The following CNOT6 variants were observed in gnomAD, a reference collection of about 807,000 sequenced individuals.
CNOT6 encodes carbon catabolite repression 4 protein.
In CNOT6, 12 loss-of-function variants were observed where a neutral mutation model predicts 61.2. That is an observed-to-expected ratio of 0.20 (90% CI 0.13 to 0.32). The LOEUF is 0.32. Among genes scored for constraint, CNOT6 ranks in the 10% least tolerant of loss-of-function variants. The probability of loss-of-function intolerance (pLI) is 1.00; values close to 1 mark genes in which losing one functional copy is unlikely to be tolerated. For synonymous variants in CNOT6, 225 were observed against 240.6 expected, an observed-to-expected ratio of 0.94 and a Z score of 0.60; for missense variants, 405 against 663.9, an observed-to-expected ratio of 0.61 and a Z score of 4.28.
At chr5:180,524,503 A>G (rs993975529) in intron 1 of CNOT6, among the ~76,000 whole-genome samples, 1 of 152,118 alleles carries the variant, frequency 6.6e-6, no homozygotes, top group African/African-American at 2.4e-5. Context: ...AGAAGCACTG[A>G]AGAGATCTTC....
At chr5:180,555,637 T>C (rs1759844798) in intron 4 of CNOT6, among the ~76,000 whole-genome samples, 1 of 152,194 alleles carries the variant, frequency 6.6e-6, no homozygotes, top group African/African-American at 2.4e-5. Context: ...GTCGGAACAT[T>C]GGGTGGAATG....
In CNOT6 at chr5:180,573,979, G is replaced by T. The variant is rs1393660187; in HGVS notation, c.1462-9G>T. ...TACGGTGCTTATCTTTTTTTCTGTT[G>T]TTTTTCAGGGTATAATAGACTACAT... On this transcript the variant is annotated splice_polypyrimidine_tract_variant and intron_variant, in intron 11 of 11. Coordinates refer to ENST00000261951, the MANE Select transcript of CNOT6 (RefSeq NM_001370472.1). 2 of 1,592,242 alleles carry T rather than the reference G, an allele frequency of 1.3e-6. No individual in the cohort carries two copies. The highest frequency in any genetic ancestry group is 1.7e-6 in the Non-Finnish European group (2 of 1,161,504).
At chr5:180,508,439 G>A (rs1187927959) in intron 1 of CNOT6, among the ~76,000 whole-genome samples, 3 of 152,030 alleles carry the variant, frequency 2.0e-5, no homozygotes, top group South Asian at 2.1e-4. Flanking sequence ...AGCCTCCTGG[G>A]TGGCTGGGAC....
chr5:180,539,548 G>GTTGTTTTTTTTTT (rs1561648866), intron 2 of CNOT6, among the ~76,000 whole-genome samples: 3 of 45,826 alleles, frequency 6.5e-5, no homozygotes, highest in African/African-American at 2.3e-4. Flanking sequence ...TACTTTTTCT[G>GTTGTTTTTTTTTT]TTCTTTTTTT....
intron 2 of CNOT6, among the ~76,000 whole-genome samples, chr5:180,539,283 A>AAAAC (rs1291422572): frequency 5.0e-5 from 6 of 119,448 alleles, no homozygotes; most frequent in Non-Finnish European, 1.0e-4. Context: ...TATCTCTTTA[A>AAAAC]AAACAAACAA....
intron 2 of CNOT6, among the ~76,000 whole-genome samples, chr5:180,531,447 C>T (rs1350686860): frequency 1.3e-5 from 2 of 151,738 alleles, no homozygotes; most frequent in Non-Finnish European, 2.9e-5. Flanking sequence ...CAGAGACGCT[C>T]CTCATTTCCT....
intron 1 of CNOT6, among the ~76,000 whole-genome samples, chr5:180,506,221 A>G (rs1317195960): frequency 1.3e-5 from 2 of 152,298 alleles, no homozygotes; most frequent in Middle Eastern, 3.4e-3. Context: ...TCTATAAGAT[A>G]AAGGTAGAAT....
chr5:180,550,479 T>A (rs969686613), intron 3 of CNOT6, among the ~76,000 whole-genome samples: 1 of 152,044 alleles, frequency 6.6e-6, no homozygotes, highest in Non-Finnish European at 1.5e-5. Context: ...AAACATTTGT[T>A]GTGTTAGGAA....
rs535657691 is a variant in CNOT6 at position 180,549,628 on chromosome 5, A to G, written c.113-303A>G. ...CACGCCACTGCACTCCAGCCTGGGC[A>G]ACAGAGCGAGACTCCGTTTCAAAAA... On this transcript the variant is annotated intron_variant, in intron 2 of 11. Transcript: ENST00000261951. 3.3e-3 allele frequency among the ~76,000 whole-genome samples: 501 copies of G among 152,172 alleles called. 1 individual carries two copies. The highest frequency in any genetic ancestry group is 0.01 in the African/African-American group (421 of 41,508).
At chr5:180,500,916 C>G (rs573225354) in intron 1 of CNOT6, among the ~76,000 whole-genome samples, 9 of 152,002 alleles carry the variant, frequency 5.9e-5, no homozygotes, top group African/African-American at 2.2e-4. Flanking sequence ...GGTCTTTAAG[C>G]TGGATTTTAA....
At chr5:180,546,438 G>A (rs1017638631) in intron 2 of CNOT6, among the ~76,000 whole-genome samples, 2 of 151,842 alleles carry the variant, frequency 1.3e-5, no homozygotes, top group Non-Finnish European at 2.9e-5. Flanking sequence ...TATTAGTTAG[G>A]GTTTATGGTG....
chr5:180,575,590 A>G lies in CNOT6; in HGVS notation c.*1390A>G, dbSNP rs377102860. ...TCTTCAGATCATTTTTAAAATGACT[A>G]AGTCATTTTAGTATGTCAAGCAAGA... On this transcript the variant is annotated 3_prime_UTR_variant, in exon 12 of 12. Transcript: ENST00000261951. 1 of 152,620 alleles carries G rather than the reference A, an allele frequency of 6.6e-6. No homozygotes were observed. Among genetic ancestry groups the G allele is most frequent in the African/African-American group, 2.4e-5 (1 of 41,442 alleles). 9.5% of individuals were successfully genotyped at this position (152,620 alleles called of 1,614,324 possible). A position where few individuals can be genotyped will look rare whatever the true frequency, so the allele number is the denominator to read the frequency against.
chr5:180,569,425 A>G, intron 10 of CNOT6, 85 bp downstream of exon 10: 1 of 1,133,088 alleles, frequency 8.8e-7, no homozygotes, highest in Non-Finnish European at 1.3e-6. Context: ...TTCCAAATTA[A>G]GTCCAAATAA....
chr5:180,552,129 A>G (rs1759635818), intron 3 of CNOT6, among the ~76,000 whole-genome samples: 1 of 151,490 alleles, frequency 6.6e-6, no homozygotes, highest in African/African-American at 2.4e-5. Flanking sequence ...TCGGCCTCCC[A>G]AAGTGCTGGG....
intron 2 of CNOT6, among the ~76,000 whole-genome samples, chr5:180,547,238 G>A (rs1469664373): frequency 6.6e-6 from 1 of 151,748 alleles, no homozygotes; most frequent in Non-Finnish European, 1.5e-5. Flanking sequence ...TTTTACTCCT[G>A]GCCAGGCGCT....
chr5:180,497,072 A>C lies in CNOT6; in HGVS notation c.-3+2309A>C, dbSNP rs556482991. ...GCCAGGCGCGGTGACTCACGCCTGT[A>C]ATCCCAGCACTTTCGGAGGCCGAGA... On this transcript the variant is annotated intron_variant, in intron 1 of 11. Coordinates refer to ENST00000261951, the MANE Select transcript of CNOT6 (RefSeq NM_001370472.1). Among the ~76,000 whole-genome samples the C allele has an allele frequency of 1.3e-3, 199 of 152,324 alleles. 1 individual carries two copies. The highest frequency in any genetic ancestry group is 4.5e-3 in the African/African-American group (186 of 41,576).
At chr5:180,502,278 A>G (rs1756898570) in intron 1 of CNOT6, among the ~76,000 whole-genome samples, 1 of 152,236 alleles carries the variant, frequency 6.6e-6, no homozygotes, top group Admixed American at 6.5e-5. Context: ...TGTGATTTCA[A>G]AAACAATAAA....
intron 4 of CNOT6, among the ~76,000 whole-genome samples, chr5:180,555,809 C>G (rs1216320761): frequency 2.0e-5 from 3 of 152,198 alleles, no homozygotes; most frequent in Non-Finnish European, 4.4e-5. Context: ...GTCATACATT[C>G]TTGCAGAACC....
intron 1 of CNOT6, among the ~76,000 whole-genome samples, chr5:180,521,273 T>C (rs1054124453): frequency 6.6e-5 from 10 of 152,198 alleles, no homozygotes; most frequent in Non-Finnish European, 1.3e-4. Context: ...CACTGGTTAG[T>C]CATTTACGAC....
Sources: gnomAD v4.1 joint callset for allele counts (sites outside exome capture counted in the v4.1 genomes callset) on GRCh38, gnomAD v4.1.1 for gene constraint, MANE v1.5 for transcripts, NCBI Gene and HGNC (gene_info 2026-07-23, HGNC 2026-07-21) for gene names.